Variants in BDP1 observed in about 807,000 individuals in gnomAD.
BDP1 encodes the protein transcription factor TFIIIB component B'' homolog.
In BDP1, 169 loss-of-function variants were observed where a neutral mutation model predicts 266.6. The observed-to-expected ratio is 0.63, with a 90% CI of 0.56 to 0.72. BDP1 has a LOEUF of 0.72. Among genes scored for constraint, BDP1 ranks in the 30% least tolerant of loss-of-function variants. BDP1 has a pLI of 0.00. For synonymous variants in BDP1, 1,090 were observed against 1,022.4 expected (o/e 1.07, Z -1.26); for missense variants, 3,015 against 3,053.8 (o/e 0.99, Z 0.30).
At chr5:71,572,351 G>A (rs973523980), downstream of BDP1, among the ~76,000 whole-genome samples, 7 of 152,088 alleles carry the variant, frequency 4.6e-5, no homozygotes, top group Non-Finnish European at 8.8e-5. Context: ...GTGGTGCCTC[G>A]AACAGCAACA....
chr5:71,557,565 T>G (rs1743317087), intron 36 of BDP1, among the ~76,000 whole-genome samples: 1 of 151,930 alleles, frequency 6.6e-6, no homozygotes, highest in African/African-American at 2.4e-5. Context: ...TTTGTATTTT[T>G]AGTAGAGACA....
chr5:71,535,979 A>T (rs937836804), intron 26 of BDP1, among the ~76,000 whole-genome samples: 1 of 152,146 alleles, frequency 6.6e-6, no homozygotes, highest in African/African-American at 2.4e-5. Context: ...ACTTTGACAT[A>T]TCTTTCTAGG....
In BDP1 at chr5:71,460,348, C is replaced by G. The variant is rs370970526; in HGVS notation, c.490-1469C>G. 9.9e-5 allele frequency among the ~76,000 whole-genome samples: 15 copies of G among 152,204 alleles called. 1 individual carries two copies. The highest frequency in any genetic ancestry group is 3.6e-4 in the African/African-American group (15 of 41,520). On this transcript the variant is annotated intron_variant, in intron 2 of 38. Coordinates refer to ENST00000358731, the MANE Select transcript of BDP1 (RefSeq NM_018429.3). Reference sequence around the variant, plus strand: ...TGAGCCAAAATCGTGCCATTGCACTCCAGCATGAGTGACAGAGCGAGACTC... The same window carrying G: ...TGAGCCAAAATCGTGCCATTGCACTGCAGCATGAGTGACAGAGCGAGACTC...
At chr5:71,456,681 G>T (rs1045410200) in intron 1 of BDP1, among the ~76,000 whole-genome samples, 1 of 152,180 alleles carries the variant, frequency 6.6e-6, no homozygotes, top group Non-Finnish European at 1.5e-5. Flanking sequence ...TTGCTCATCT[G>T]CAAAATGGGA....
intron 30 of BDP1, among the ~76,000 whole-genome samples, 181 bp downstream of exon 30, chr5:71,542,446 A>C (rs1323570619): frequency 6.6e-6 from 1 of 152,212 alleles, no homozygotes; most frequent in Non-Finnish European, 1.5e-5. Flanking sequence ...TTAGTAATTA[A>C]TACCATTTTG....
At chr5:71,513,998 C>T (rs928370997) in intron 19 of BDP1, among the ~76,000 whole-genome samples, 3 of 151,842 alleles carry the variant, frequency 2.0e-5, no homozygotes, top group African/African-American at 4.8e-5. Context: ...GCTGGGATTA[C>T]GCTGAGCCGT....
At chr5:71,512,954 T>G (rs947818948) in intron 18 of BDP1, among the ~76,000 whole-genome samples, 2 of 149,148 alleles carry the variant, frequency 1.3e-5, no homozygotes, top group African/African-American at 5.0e-5. Context: ...CCCAGCTACT[T>G]GGGAGGCTCA....
At chr5:71,571,635 ATTAT>A (rs1744267278), downstream of BDP1, among the ~76,000 whole-genome samples, 1 of 151,798 alleles carries the variant, frequency 6.6e-6, no homozygotes, top group African/African-American at 2.4e-5. Context: ...ATTTTAATTA[ATTAT>A]TTATTTATTT....
rs772047257 is a variant in BDP1 at position 71,455,883 on chromosome 5, C to G, written c.6C>G (p.Phe2Leu). 4 of 1,584,034 alleles carry G rather than the reference C, an allele frequency of 2.5e-6. No homozygotes were observed. In the South Asian group the frequency reaches 4.6e-5, roughly 18 times the overall value. The change falls in exon 1 of 39, where the codon TTC (phenylalanine) becomes TTG (leucine). Residue 2 changes from phenylalanine to leucine, a missense_variant. Coordinates refer to ENST00000358731, the MANE Select transcript of BDP1 (RefSeq NM_018429.3). ...CCGGGCCCCCTGCCTCCGCCATGTT[C>G]CGCAGGGCACGCCTTAGCGTGAAGC... M[F>L]RRARLSVKPN...
At chr5:71,548,844 C>T in intron 33 of BDP1, 99 bp downstream of exon 33, 1 of 840,030 alleles carries the variant, frequency 1.2e-6, no homozygotes, top group South Asian at 1.7e-5. Context: ...GTATTTTAGT[C>T]TATGCTGGCC....
intron 37 of BDP1, among the ~76,000 whole-genome samples, chr5:71,561,392 A>G (rs1225856669): frequency 6.6e-6 from 1 of 152,208 alleles, no homozygotes; most frequent in Non-Finnish European, 1.5e-5. Context: ...CAAGAGCGAA[A>G]CTGTCTCAAA....
chr5:71,573,972 T>C, the BDP1 span, among the ~76,000 whole-genome samples: 1 of 152,226 alleles, frequency 6.6e-6, no homozygotes, highest in Non-Finnish European at 1.5e-5. Flanking sequence ...ATGCTAACTT[T>C]AACTCTAGCT....
At chr5:71,568,594 G>A (rs982629496), downstream of BDP1, among the ~76,000 whole-genome samples, 3 of 152,158 alleles carry the variant, frequency 2.0e-5, no homozygotes, top group Non-Finnish European at 1.5e-5. Context: ...TAGGTGAGCC[G>A]TCATGCCTGG....
chr5:71,463,871 A>G (rs1187902180), intron 3 of BDP1, among the ~76,000 whole-genome samples, 187 bp from the exon 4 acceptor site: 1 of 151,896 alleles, frequency 6.6e-6, no homozygotes, highest in Non-Finnish European at 1.5e-5. Context: ...GGACCTAACA[A>G]ATTATTTGTA....
In BDP1 at chr5:71,467,393, T is replaced by G. The variant is rs186106001; in HGVS notation, c.825T>G (p.Val275=). The G allele has an allele frequency of 9.6e-4, 1,540 of 1,610,782 alleles. 1 individual carries two copies. The highest frequency in any genetic ancestry group is 1.2e-3 in the Non-Finnish European group (1,404 of 1,177,176). The change falls in exon 6 of 39, where the codon GTT becomes GTG. Residue 275 remains valine (V), a synonymous_variant. Coordinates refer to ENST00000358731, the MANE Select transcript of BDP1 (RefSeq NM_018429.3). ...VEVLRTKGPC[V]VEENDPIFER... ...TTTTAAGAACAAAAGGCCCTTGTGTTGTTGAAGAAAATGACCCCATATTTG... is the reference window on the plus strand; with the variant it reads ...TTTTAAGAACAAAAGGCCCTTGTGTGGTTGAAGAAAATGACCCCATATTTG...
Position 71,466,122 on chromosome 5 carries a change from C to T in BDP1, c.686C>T (p.Ala229Val), listed in dbSNP as rs1182233664. The change falls in exon 5 of 39, where the codon GCT becomes GTT. Residue 229 changes from alanine (A) to valine (V), a missense_variant. Transcript: ENST00000358731. ...REQEGKSTPN[A>V]EDNEMEEETD... Reference sequence around the variant, plus strand: ...CAAGAAGGTAAGAGTACTCCTAATGCTGAAGATAATGAAATGGAAGAAGAG... The same window carrying T: ...CAAGAAGGTAAGAGTACTCCTAATGTTGAAGATAATGAAATGGAAGAAGAG... The T allele has an allele frequency of 1.2e-6, 2 of 1,613,576 alleles. No individual in the cohort carries two copies. The highest frequency in any genetic ancestry group is 1.7e-4 in the Middle Eastern group (1 of 6,060).
intron 38 of BDP1, among the ~76,000 whole-genome samples, chr5:71,564,438 T>A (rs530712450): frequency 3.0e-4 from 46 of 152,230 alleles, no homozygotes; most frequent in African/African-American, 1.1e-3. Flanking sequence ...TAATGGATTA[T>A]GGGTACACTG....
chr5:71,551,815 G>A (rs1173476108), intron 34 of BDP1, among the ~76,000 whole-genome samples: 1 of 151,044 alleles, frequency 6.6e-6, no homozygotes, highest in Non-Finnish European at 1.5e-5. Context: ...GTGGCTGGCC[G>A]GGCAGAGGGG....
rs1352269333 is a variant in BDP1 at position 71,567,649 on chromosome 5, T to C, written c.*2764T>C. 6.6e-6 allele frequency: 1 copy of C among 152,610 alleles called. No individual in the cohort carries two copies. The highest frequency in any genetic ancestry group is 1.9e-4 in the East Asian group (1 of 5,200). 9.5% of individuals were successfully genotyped at this position (152,610 alleles called of 1,614,324 possible). On this transcript the variant is annotated 3_prime_UTR_variant, in exon 39 of 39. Coordinates refer to ENST00000358731, the MANE Select transcript of BDP1 (RefSeq NM_018429.3). ...GGTTGAGGCATGACAAAAATATTAA[T>C]ATCCACTGTTTACCATCATGTTATT...
Sources: gnomAD v4.1 joint callset for allele counts (sites outside exome capture counted in the v4.1 genomes callset) on GRCh38, gnomAD v4.1.1 for gene constraint, MANE v1.5 for transcripts, NCBI Gene and HGNC (gene_info 2026-07-23, HGNC 2026-07-21) for gene names.